The following NGEF variants were observed in gnomAD, a reference collection of about 807,000 sequenced individuals.
NGEF encodes neuronal guanine nucleotide exchange factor.
Under a neutral mutation model 80.9 loss-of-function variants are expected in NGEF, and 31 were observed. That is an observed-to-expected ratio of 0.38 (90% confidence interval 0.29 to 0.52). The LOEUF (loss-of-function observed/expected upper bound fraction) is 0.52. Among genes scored for constraint, NGEF ranks in the 20% least tolerant of loss-of-function variants. The pLI is 0.84. For synonymous variants in NGEF, 371 were observed against 370.2 expected, an observed-to-expected ratio of 1.00 and a Z score of -0.03; for missense variants, 709 against 926.2, an observed-to-expected ratio of 0.77 and a Z score of 3.04.
At chr2:232,902,080 C>G (rs1692373957) in intron 5 of NGEF, among the ~76,000 whole-genome samples, 1 of 152,200 alleles carries the variant, frequency 6.6e-6, no homozygotes, top group African/African-American at 2.4e-5. Flanking sequence ...CTCCCAAGCT[C>G]TCCACTCTCT....
chr2:233,001,982 C>A (rs992188115), intron 1 of NGEF, among the ~76,000 whole-genome samples: 1 of 152,018 alleles, frequency 6.6e-6, no homozygotes, highest in South Asian at 2.1e-4. Context: ...CCAGCCTGGG[C>A]AACAGAGAGA....
chr2:233,009,253 A>G (rs1402303264), intron 1 of NGEF, among the ~76,000 whole-genome samples: 1 of 152,194 alleles, frequency 6.6e-6, no homozygotes, highest in African/African-American at 2.4e-5. Context: ...TTTAGCTCCC[A>G]CATATGAGTG....
chr2:232,972,744 CTTTTTTTT>C (rs61594239), intron 2 of NGEF, among the ~76,000 whole-genome samples: 4 of 123,320 alleles, frequency 3.2e-5, no homozygotes, highest in Non-Finnish European at 6.7e-5. Flanking sequence ...TGTCCTTATC[CTTTTTTTT>C]TTTTTTTTTT....
At chr2:232,880,840 G>C (rs1243293184) in intron 14 of NGEF, among the ~76,000 whole-genome samples, 2 of 151,362 alleles carry the variant, frequency 1.3e-5, no homozygotes, top group Non-Finnish European at 3.0e-5. Context: ...GGGGTGCTGA[G>C]GCCAGGGCCA....
chr2:232,974,953 CTGGTTTG>C lies in NGEF; in HGVS notation c.-70_-64del. The C allele has an allele frequency of 6.5e-7, 1 of 1,545,270 alleles. No individual in the cohort carries two copies. The highest frequency in any genetic ancestry group is 1.2e-5 in the South Asian group (1 of 81,954). Reference sequence around the variant, plus strand: ...AGGTCAATGACTTTCCCAAGCTTCACTGGTTTGAGTGCTTTAGAATAGATAGAAAACA... The same window carrying C: ...AGGTCAATGACTTTCCCAAGCTTCACAGTGCTTTAGAATAGATAGAAAACA... On this transcript the variant is annotated 5_prime_UTR_variant, in exon 2 of 15. An upstream open reading frame in the 5' UTR loses its in-frame stop. Coordinates refer to ENST00000264051, the MANE Select transcript of NGEF (RefSeq NM_019850.3).
intron 3 of NGEF, among the ~76,000 whole-genome samples, chr2:232,944,745 A>ATATATATG (rs1260732306): frequency 1.0e-5 from 1 of 98,510 alleles, no homozygotes; most frequent in African/African-American, 4.1e-5. Flanking sequence ...ATATATATAT[A>ATATATATG]TATATATATA....
At chr2:232,899,961 GTCAC>G (rs1354206198) in intron 5 of NGEF, among the ~76,000 whole-genome samples, 1 of 99,628 alleles carries the variant, frequency 1.0e-5, no homozygotes, top group Admixed American at 1.2e-4. Context: ...TGCTCTCACA[GTCAC>G]TCATATACAC....
chr2:232,905,941 G>C, intron 5 of NGEF: 1 of 145,566 alleles, frequency 6.9e-6, no homozygotes, highest in South Asian at 1.2e-4. Flanking sequence ...CGGGAGGTGA[G>C]GGGCACCTCT....
intron 5 of NGEF, among the ~76,000 whole-genome samples, chr2:232,913,056 T>A (rs1692721701): frequency 6.6e-6 from 1 of 152,232 alleles, no homozygotes; most frequent in East Asian, 1.9e-4. Flanking sequence ...GGTTTTGCTC[T>A]TTTCCTAGCC....
intron 5 of NGEF, among the ~76,000 whole-genome samples, chr2:232,912,127 T>C (rs927698190): frequency 6.6e-5 from 10 of 152,190 alleles, no homozygotes; most frequent in Non-Finnish European, 1.5e-4. Flanking sequence ...TTAAGTATGA[T>C]GTTTGCTATA....
At chr2:232,940,887 G>A (rs573872358) in intron 3 of NGEF, among the ~76,000 whole-genome samples, 25 of 149,310 alleles carry the variant, frequency 1.7e-4, no homozygotes, top group African/African-American at 3.5e-4. Flanking sequence ...TCCTCCTTTC[G>A]TAACTGGCCA....
intron 3 of NGEF, among the ~76,000 whole-genome samples, chr2:232,966,579 C>T (rs778149692): frequency 6.7e-6 from 1 of 150,266 alleles, no homozygotes; most frequent in Non-Finnish European, 1.5e-5. Flanking sequence ...AAAAGGCTCC[C>T]ATGGGGAAGG....
intron 4 of NGEF, among the ~76,000 whole-genome samples, chr2:232,921,624 CCT>C: frequency 6.9e-6 from 1 of 145,660 alleles, no homozygotes; most frequent in Non-Finnish European, 1.5e-5. Context: ...GCTAGTTTTT[CCT>C]CTTTTTTTTT....
At chr2:232,902,123 C>A (rs534862592) in intron 5 of NGEF, among the ~76,000 whole-genome samples, 1 of 152,222 alleles carries the variant, frequency 6.6e-6, no homozygotes, top group Non-Finnish European at 1.5e-5. Flanking sequence ...TTGCTGCAGC[C>A]GCCCTGGGGT....
chr2:232,971,796 C>T (rs1441184045), intron 2 of NGEF, among the ~76,000 whole-genome samples: 5 of 152,234 alleles, frequency 3.3e-5, no homozygotes, highest in Non-Finnish European at 5.9e-5. Flanking sequence ...GCATCCTTGG[C>T]TCAGCTTGGG....
At chr2:232,958,413 G>C (rs1693876591) in intron 3 of NGEF, among the ~76,000 whole-genome samples, 1 of 152,220 alleles carries the variant, frequency 6.6e-6, no homozygotes, top group African/African-American at 2.4e-5. Flanking sequence ...GTATCTTCAA[G>C]AGGTCAGTGG....
intron 5 of NGEF, among the ~76,000 whole-genome samples, chr2:232,900,276 A>T (rs111162804): frequency 3.2e-5 from 3 of 94,876 alleles, no homozygotes; most frequent in Admixed American, 1.0e-4. Context: ...ACTCACATTC[A>T]CACACACACG....
At chr2:232,984,514 A>G (rs535648042) in intron 1 of NGEF, among the ~76,000 whole-genome samples, 1 of 152,322 alleles carries the variant, frequency 6.6e-6, no homozygotes, top group Admixed American at 6.5e-5. Context: ...ATAACCTGTG[A>G]TGTGAAGACA....
intron 1 of NGEF, among the ~76,000 whole-genome samples, chr2:232,988,318 A>G (rs933142450): frequency 3.9e-5 from 6 of 152,206 alleles, no homozygotes; most frequent in African/African-American, 1.4e-4. Context: ...AAATGTGCAA[A>G]GGCTATAAAC....
Sources: allele counts gnomAD v4.1 joint callset (sites outside exome capture counted in the v4.1 genomes callset), GRCh38; gene constraint gnomAD v4.1.1; transcripts MANE v1.5; gene names NCBI Gene and HGNC (gene_info 2026-07-23, HGNC 2026-07-21).